The following RGS7 variants were observed in gnomAD, a reference collection of about 807,000 sequenced individuals.
The protein encoded by RGS7 is regulator of G protein signaling 7.
In RGS7, 27 loss-of-function variants were observed where a neutral mutation model predicts 81.1. The observed-to-expected ratio is 0.33, with a 90% CI of 0.25 to 0.46. The LOEUF (loss-of-function observed/expected upper bound fraction) is 0.46, where lower values mean the gene tolerates loss of function less well. Among genes scored for constraint, RGS7 ranks in the 20% least tolerant of loss-of-function variants. The probability of loss-of-function intolerance (pLI) is 1.00; values close to 1 mark genes in which losing one functional copy is unlikely to be tolerated. For missense variants in RGS7, 396 were observed against 607.4 expected (o/e 0.65, Z 3.66); for synonymous variants, 208 against 207.7 (o/e 1.00, Z -0.01).
chr1:241,095,069 C>G (rs2148942674), intron 3 of RGS7, among the ~76,000 whole-genome samples: 1 of 152,162 alleles, frequency 6.6e-6, no homozygotes, highest in East Asian at 1.9e-4. Flanking sequence ...GCTGGGGTGG[C>G]CTTGATTGAG....
intron 3 of RGS7, among the ~76,000 whole-genome samples, chr1:240,988,823 C>T (rs1276685733): frequency 1.3e-5 from 2 of 152,132 alleles, no homozygotes; most frequent in Admixed American, 6.6e-5. Context: ...TGGCCAAAAG[C>T]GGGTACTGAA....
At chr1:240,933,033 GCA>G (rs1675890916) in intron 5 of RGS7, among the ~76,000 whole-genome samples, 1 of 147,218 alleles carries the variant, frequency 6.8e-6, no homozygotes, top group Non-Finnish European at 1.5e-5. Flanking sequence ...ACAGGCGCCC[GCA>G]CCACGCCCGG....
At chr1:241,326,698 C>T (rs961813028) in intron 2 of RGS7, among the ~76,000 whole-genome samples, 44 of 121,290 alleles carry the variant, frequency 3.6e-4, no homozygotes, top group African/African-American at 1.3e-3. Flanking sequence ...AGTCCTAGCA[C>T]TTTGGGAGGC....
chr1:240,826,023 A>G (rs941212994), intron 10 of RGS7, among the ~76,000 whole-genome samples: 3 of 152,168 alleles, frequency 2.0e-5, no homozygotes, highest in Non-Finnish European at 4.4e-5. Flanking sequence ...GCATTTTTGA[A>G]TCTTGTTCTG....
intron 2 of RGS7, among the ~76,000 whole-genome samples, chr1:241,178,230 T>C (rs2071312359): frequency 6.6e-6 from 1 of 151,874 alleles, no homozygotes; most frequent in South Asian, 2.1e-4. Context: ...CATTTGAGAT[T>C]GCAATAAGCT....
intron 2 of RGS7, among the ~76,000 whole-genome samples, chr1:241,243,845 G>A (rs2148158324): frequency 6.6e-6 from 1 of 152,286 alleles, no homozygotes; most frequent in South Asian, 2.1e-4. Flanking sequence ...ATTGCAAGAA[G>A]TAAACACTTG....
intron 2 of RGS7, among the ~76,000 whole-genome samples, chr1:241,295,472 A>AG (rs983345143): frequency 9.7e-4 from 147 of 152,030 alleles, no homozygotes; most frequent in African/African-American, 3.3e-3. Flanking sequence ...AGAAAAAAAA[A>AG]AGATATGTTT....
At chr1:241,257,499 C>A (rs962445033) in intron 2 of RGS7, among the ~76,000 whole-genome samples, 1 of 152,088 alleles carries the variant, frequency 6.6e-6, no homozygotes, top group Non-Finnish European at 1.5e-5. Flanking sequence ...CTAGATTGTG[C>A]CAAAATTAAC....
chr1:241,059,541 C>A (rs1376336032), intron 3 of RGS7, among the ~76,000 whole-genome samples: 1 of 152,130 alleles, frequency 6.6e-6, no homozygotes, highest in Non-Finnish European at 1.5e-5. Context: ...CCCAGAAGGC[C>A]AAATTAGACA....
In RGS7 at chr1:241,164,866, G is replaced by A. The variant is rs1440532696; in HGVS notation, c.79-66104C>T. ...AATTTAGGGAACTATTCTCAGAATT[G>A]CCCATAGGTCTTATATAATCTGAAC... On this transcript the variant is annotated intron_variant, in intron 2 of 18. Coordinates refer to ENST00000440928, the MANE Select transcript of RGS7 (RefSeq NM_001364886.1). This position sits in a 1 kb window ranked among gnomAD's most constrained non-coding sequence, Gnocchi z 4.1. 6.6e-6 allele frequency among the ~76,000 whole-genome samples: 1 copy of A among 152,146 alleles called. No homozygotes were observed. Among genetic ancestry groups the A allele is most frequent in the African/African-American group, 2.4e-5 (1 of 41,422 alleles).
chr1:241,241,786 T>A (rs1427839292), intron 2 of RGS7, among the ~76,000 whole-genome samples: 2 of 152,184 alleles, frequency 1.3e-5, no homozygotes. Flanking sequence ...CATGTTTCTA[T>A]GAGGCCTTTT....
chr1:240,827,860 A>T (rs1375259488), intron 9 of RGS7, among the ~76,000 whole-genome samples: 1 of 94,522 alleles, frequency 1.1e-5, no homozygotes. Flanking sequence ...GCAAAACTCC[A>T]TTGCAAAAAA....
intron 6 of RGS7, chr1:240,920,050 T>C (rs899435688): frequency 9.3e-5 from 99 of 1,065,814 alleles, no homozygotes; most frequent in Admixed American, 6.4e-4. Context: ...ATTGAAGGGA[T>C]TGAAATCATG....
chr1:241,023,126 C>T (rs185972454), intron 3 of RGS7, among the ~76,000 whole-genome samples: 868 of 68,044 alleles, frequency 0.013, 19 homozygotes, highest in Non-Finnish European at 0.013. Flanking sequence ...AATTTACAAT[C>T]GTGTAAAATA....
chr1:241,180,134 G>C (rs575166290), intron 2 of RGS7, among the ~76,000 whole-genome samples: 1 of 152,200 alleles, frequency 6.6e-6, no homozygotes, highest in African/African-American at 2.4e-5. Flanking sequence ...CAGCACTTTG[G>C]GAAGCCGAGG....
chr1:241,002,072 T>C (rs181578714), intron 3 of RGS7, among the ~76,000 whole-genome samples: 2 of 152,230 alleles, frequency 1.3e-5, no homozygotes, highest in African/African-American at 4.8e-5. Context: ...CTGAGGTATA[T>C]GAGAGTAAGA....
At chr1:240,820,494 G>A (rs1691575303) in intron 10 of RGS7, among the ~76,000 whole-genome samples, 1 of 151,912 alleles carries the variant, frequency 6.6e-6, no homozygotes, top group African/African-American at 2.4e-5. Context: ...GTTTGCTATG[G>A]TCTGAATGTT....
chr1:241,238,732 T>C (rs1487336046), intron 2 of RGS7, among the ~76,000 whole-genome samples: 1 of 151,704 alleles, frequency 6.6e-6, no homozygotes, highest in Non-Finnish European at 1.5e-5. Context: ...AAATACAAGC[T>C]ACTAAATCTA....
intron 3 of RGS7, among the ~76,000 whole-genome samples, chr1:241,097,291 A>G (rs1306780743): frequency 2.0e-5 from 3 of 152,056 alleles, no homozygotes; most frequent in Non-Finnish European, 4.4e-5. Flanking sequence ...CATCATTGAG[A>G]AAAAGCAAGA....
Sources: allele counts gnomAD v4.1 joint callset (sites outside exome capture counted in the v4.1 genomes callset), GRCh38; gene constraint gnomAD v4.1.1; non-coding constraint Gnocchi (gnomAD v3.1); transcripts MANE v1.5; gene names NCBI Gene and HGNC (gene_info 2026-07-23, HGNC 2026-07-21).